Variants in ZNF483 observed in about 807,000 individuals in gnomAD.
The protein encoded by ZNF483 is zinc finger protein 483.
In ZNF483, 9 loss-of-function variants were observed where a neutral mutation model predicts 28.6. That is an observed-to-expected ratio of 0.32 (90% CI 0.19 to 0.55). The LOEUF (loss-of-function observed/expected upper bound fraction) is 0.55, where lower values mean the gene tolerates loss of function less well. Among genes scored for constraint, ZNF483 ranks in the 20% least tolerant of loss-of-function variants. ZNF483 has a pLI of 0.93. For missense variants in ZNF483, 675 were observed against 871.7 expected, an observed-to-expected ratio of 0.77 and a Z score of 2.84; for synonymous variants, 322 against 306.2, an observed-to-expected ratio of 1.05 and a Z score of -0.54.
At chr9:111,525,647 G>A (rs929004637) in intron 1 of ZNF483, among the ~76,000 whole-genome samples, 1 of 152,100 alleles carries the variant, frequency 6.6e-6, no homozygotes, top group Admixed American at 6.5e-5. Context: ...AGGACCGCTG[G>A]GGGGTGAAAT....
chr9:111,538,496 A>G (rs1827578150), intron 5 of ZNF483, among the ~76,000 whole-genome samples: 1 of 151,762 alleles, frequency 6.6e-6, no homozygotes, highest in Non-Finnish European at 1.5e-5. Flanking sequence ...TCTCTTAGAA[A>G]AAAAAAAAAA....
downstream of ZNF483, among the ~76,000 whole-genome samples, chr9:111,556,454 G>A (rs538963189): frequency 2.9e-4 from 44 of 152,358 alleles, no homozygotes; most frequent in African/African-American, 9.4e-4. Flanking sequence ...CTGCACTGCC[G>A]TAGTAGAGGT....
At position 111,542,864 on chromosome 9, in the gene ZNF483, C is replaced by A. The variant is rs1312740124; in HGVS notation, c.1929C>A (p.Ala643=). ...ACAAATGTAACCAGTGTGAGAAAGC[C>A]TTCCCAACCCATTCACTGCTAAGTC... ...KPYKCNQCEK[A]FPTHSLLSRH... Residue 643 remains alanine (A), a synonymous_variant, in exon 6 of 6, where the codon GCC becomes GCA. Transcript: ENST00000309235. This position sits in a 1 kb window ranked among gnomAD's most constrained non-coding sequence, Gnocchi z 6.2. 5.0e-6 allele frequency: 8 copies of A among 1,614,122 alleles called. No homozygotes were observed. The highest frequency in any genetic ancestry group is 6.8e-6 in the Non-Finnish European group (8 of 1,180,016).
intron 5 of ZNF483, among the ~76,000 whole-genome samples, chr9:111,536,481 C>T (rs912348569): frequency 2.6e-5 from 4 of 152,058 alleles, no homozygotes; most frequent in South Asian, 2.1e-4. Flanking sequence ...GCCGAGATGG[C>T]GCCACAGCAC....
At position 111,552,323 on chromosome 9, in the gene ZNF483, T is replaced by C. The variant is rs1012412534; in HGVS notation, c.*9153T>C. ...GAAGTTTCATAAACTGTCAACATTCTATAGCTTTTGTGCATATGTACTGAA... is the reference window on the plus strand; with the variant it reads ...GAAGTTTCATAAACTGTCAACATTCCATAGCTTTTGTGCATATGTACTGAA... On this transcript the variant is annotated 3_prime_UTR_variant, in exon 6 of 6. Transcript: ENST00000309235. 6.6e-6 allele frequency among the ~76,000 whole-genome samples: 1 copy of C among 152,234 alleles called. No individual in the cohort carries two copies.
At position 111,527,358 on chromosome 9, in the gene ZNF483, A is replaced by G. The variant is rs1254385191; in HGVS notation, c.-38A>G. ...TGGTGGACTGTACTGATACTCAACT[A>G]GAGTGTGAAGGGACTGGATTCCTGC... On this transcript the variant is annotated 5_prime_UTR_variant, in exon 2 of 6. Transcript: ENST00000309235. 6.3e-7 allele frequency: 1 copy of G among 1,597,662 alleles called. No homozygotes were observed.
chr9:111,569,177 T>A (rs1355866343), intron 5 of ZNF483, among the ~76,000 whole-genome samples: 1 of 152,094 alleles, frequency 6.6e-6, no homozygotes, highest in Non-Finnish European at 1.5e-5. Flanking sequence ...AGGCTGGAGA[T>A]AGAGATGGGA....
chr9:111,557,177 T>C (rs1046019040), downstream of ZNF483, among the ~76,000 whole-genome samples: 4 of 152,040 alleles, frequency 2.6e-5, no homozygotes, highest in Non-Finnish European at 5.9e-5. Flanking sequence ...TTCTACCACA[T>C]GGAATGGCTA....
chr9:111,542,059 C>T lies in ZNF483; in HGVS notation c.1124C>T (p.Thr375Ile). Residue 375 changes from threonine to isoleucine, a missense_variant, in exon 6 of 6, where the codon ACT (threonine) becomes ATT (isoleucine). Coordinates refer to ENST00000309235, the MANE Select transcript of ZNF483 (RefSeq NM_133464.5). The surrounding 1 kb of genome is among the most constrained non-coding windows in gnomAD (Gnocchi z 6.2). ...GKVLSHSSAL[T>I]EHQKRQKIHL... ...GTCCTGAGTCACTCTTCAGCTCTTA[C>T]TGAACATCAGAAACGTCAGAAGATT... The T allele has an allele frequency of 6.2e-7, 1 of 1,614,126 alleles. No individual in the cohort carries two copies.
chr9:111,539,342 A>G (rs1827609003), intron 5 of ZNF483: 6 of 402,076 alleles, frequency 1.5e-5, no homozygotes, highest in Non-Finnish European at 3.0e-5. Flanking sequence ...ATATTTGACC[A>G]GAGATAGTAC....
At chr9:111,556,189 T>A (rs531070278), downstream of ZNF483, among the ~76,000 whole-genome samples, 3 of 152,348 alleles carry the variant, frequency 2.0e-5, no homozygotes, top group South Asian at 6.2e-4. Flanking sequence ...AGCTCCATAA[T>A]AATCTTTGAC....
At position 111,572,759 on chromosome 9, in the gene ZNF483, A is replaced by C. The variant is rs1157937474; in HGVS notation, c.722-3606A>C. 7.5e-3 allele frequency among the ~76,000 whole-genome samples: 902 copies of C among 119,498 alleles called. 17 individuals carry two copies. The highest frequency in any genetic ancestry group is 0.061 in the Admixed American group (736 of 12,074). The allele number at this position is 119,498 out of a possible 152,430, so 78.4% of individuals were successfully genotyped here. On this transcript the variant is annotated intron_variant, in intron 5 of 5. Coordinates refer to the ZNF483 transcript ENST00000358151. ...GCAACAAAGCGAGACCCTGTCTCAAAAAAAAAAAAAAAAAAAAAAAATTAA... is the reference window on the plus strand; with the variant it reads ...GCAACAAAGCGAGACCCTGTCTCAACAAAAAAAAAAAAAAAAAAAAATTAA...
chr9:111,528,732 G>A lies in ZNF483; in HGVS notation c.412+925G>A, dbSNP rs185019281. 4.8e-3 allele frequency among the ~76,000 whole-genome samples: 725 copies of A among 152,176 alleles called. 2 individuals are homozygous for A. Among genetic ancestry groups the A allele is most frequent in the Admixed American group, 7.9e-3 (121 of 15,282 alleles). On this transcript the variant is annotated intron_variant, in intron 2 of 5. Coordinates refer to ENST00000309235, the MANE Select transcript of ZNF483 (RefSeq NM_133464.5). ...GTATTTACCTCCATACACTTAATTC[G>A]CCATCACGCAGCTAATTAGTGTATC...
intron 5 of ZNF483, among the ~76,000 whole-genome samples, chr9:111,570,689 G>T (rs1828779707): frequency 6.6e-6 from 1 of 152,010 alleles, no homozygotes; most frequent in African/African-American, 2.4e-5. Context: ...TGAGGCAGGA[G>T]AATTGCTTGA....
rs959874047 is a variant in ZNF483, at chr9:111,546,986, G to C, written c.*3816G>C. ...ATTCCACTTAGCATTATGTTTTCAAGGTTCGGCCGTGTTGTAGCACATATC... is the reference window on the plus strand; with the variant it reads ...ATTCCACTTAGCATTATGTTTTCAACGTTCGGCCGTGTTGTAGCACATATC... On this transcript the variant is annotated 3_prime_UTR_variant, in exon 6 of 6. Coordinates refer to ENST00000309235, the MANE Select transcript of ZNF483 (RefSeq NM_133464.5). Among the ~76,000 whole-genome samples, 1 of 152,120 alleles carries C rather than the reference G, an allele frequency of 6.6e-6. No individual in the cohort carries two copies. Among genetic ancestry groups the C allele is most frequent in the East Asian group, 1.9e-4 (1 of 5,198 alleles).
Position 111,530,756 on chromosome 9 carries a change from AATATATATAT to A in ZNF483, c.413-83_413-74del, listed in dbSNP as rs60541488. On this transcript the variant is annotated intron_variant, in intron 2 of 5. Transcript: ENST00000309235. ...GTTTTTTTCCTGTTTATCACTTAGA[AATATATATAT>A]ATATATATATATATATATATATATA... 333 of 70,536 alleles carry A rather than the reference AATATATATAT, an allele frequency of 4.7e-3. 12 individuals are homozygous for A. Among genetic ancestry groups the A allele is most frequent in the East Asian group, 8.3e-3 (23 of 2,756 alleles). The allele number at this position is 70,536 out of a possible 1,614,324, so 4.4% of individuals were successfully genotyped here. A position where few individuals can be genotyped will look rare whatever the true frequency, so the allele number is the denominator to read the frequency against.
At position 111,574,762 on chromosome 9, in the gene ZNF483, T is replaced by C. The variant is rs528897016; in HGVS notation, c.722-1603T>C. ...GGGGAAGTGGGCCGGTTCTGTTATA[T>C]GTAGAGATGGCTCCACATATGGCAA... On this transcript the variant is annotated intron_variant, in intron 5 of 5. Transcript: ENST00000358151. The C allele has an allele frequency of 3.7e-6, 6 of 1,613,992 alleles. No homozygotes were observed. The African/African-American group carries it at 4.0e-5, about 11-fold the overall frequency.
chr9:111,566,508 T>C (rs562341571), intron 5 of ZNF483, among the ~76,000 whole-genome samples: 1 of 152,360 alleles, frequency 6.6e-6, no homozygotes, highest in South Asian at 2.1e-4. Flanking sequence ...GATGTCATTT[T>C]TCCCCTGTAA....
At chr9:111,534,469 G>A (rs1021822678) in intron 5 of ZNF483, 116 bp downstream of exon 5, 1 of 847,934 alleles carries the variant, frequency 1.2e-6, no homozygotes, top group Non-Finnish European at 1.9e-6. Context: ...GATTAGAATA[G>A]AGCCCTTGCC....
Sources: gnomAD v4.1 joint callset for allele counts (sites outside exome capture counted in the v4.1 genomes callset) on GRCh38, gnomAD v4.1.1 for gene constraint, Gnocchi (gnomAD v3.1) non-coding constraint, MANE v1.5 for transcripts, NCBI Gene and HGNC (gene_info 2026-07-23, HGNC 2026-07-21) for gene names.